AHCYL2: variants seen among roughly 807,000 people sequenced by gnomAD.
AHCYL2 encodes the protein S-adenosylhomocysteine hydrolase-like protein 2.
A neutral mutation model predicts 81.4 loss-of-function variants in AHCYL2; 28 were observed. The observed-to-expected ratio is 0.34, with a 90% confidence interval of 0.25 to 0.47. AHCYL2 has a LOEUF of 0.47. Among genes scored for constraint, AHCYL2 ranks in the 20% least tolerant of loss-of-function variants. The pLI is 1.00. For missense variants in AHCYL2, 551 were observed against 785.1 expected (o/e 0.70, Z 3.56); for synonymous variants, 272 against 290.2 (o/e 0.94, Z 0.64).
At chr7:129,392,968 A>C (rs1254351847) in intron 4 of AHCYL2, among the ~76,000 whole-genome samples, 2 of 152,238 alleles carry the variant, frequency 1.3e-5, no homozygotes, top group African/African-American at 2.4e-5. Flanking sequence ...CAGGCTATAC[A>C]TCTATGGTGG....
chr7:129,375,937 G>A (rs1441007629), intron 1 of AHCYL2: 1 of 1,535,994 alleles, frequency 6.5e-7, no homozygotes, highest in Non-Finnish European at 8.7e-7. Context: ...GTGAGGCTAA[G>A]CTCTTATTTA....
At chr7:129,245,518 T>TC (rs1286802891) in intron 1 of AHCYL2, among the ~76,000 whole-genome samples, 2 of 152,052 alleles carry the variant, frequency 1.3e-5, no homozygotes, top group Admixed American at 1.3e-4. Context: ...CATTCCTTCC[T>TC]CCCCCAGCCC....
chr7:129,310,123 G>A (rs188485602), intron 1 of AHCYL2, among the ~76,000 whole-genome samples: 1 of 151,702 alleles, frequency 6.6e-6, no homozygotes, highest in Admixed American at 6.6e-5. Flanking sequence ...CCACCTCCTT[G>A]GTGACTTAAT....
At chr7:129,242,642 A>G (rs1009928624) in intron 1 of AHCYL2, among the ~76,000 whole-genome samples, 1 of 151,586 alleles carries the variant, frequency 6.6e-6, no homozygotes, top group Non-Finnish European at 1.5e-5. Flanking sequence ...ATGTGAACCC[A>G]GGAGGCGGAG....
chr7:129,351,926 T>C (rs1793580431), intron 1 of AHCYL2, among the ~76,000 whole-genome samples: 1 of 152,258 alleles, frequency 6.6e-6, no homozygotes, highest in African/African-American at 2.4e-5. Flanking sequence ...CCATTAGTTA[T>C]TGTATTTGTC....
At position 129,225,052 on chromosome 7, in the gene AHCYL2, G is replaced by A; in HGVS notation, c.-25G>A. On this transcript the variant is annotated 5_prime_UTR_variant, in exon 1 of 17. Coordinates refer to ENST00000325006, the MANE Select transcript of AHCYL2 (RefSeq NM_015328.4). ...ACCAAGAGCAGGAGCTGGAGTCTGA[G>A]CCGGTGGTTGCAGCGGAGGCGGTGA... 1 of 1,572,590 alleles carries A rather than the reference G, an allele frequency of 6.4e-7. No individual in the cohort carries two copies. The highest frequency in any genetic ancestry group is 8.6e-7 in the Non-Finnish European group (1 of 1,160,984).
At chr7:129,323,373 G>A (rs1392840486) in intron 1 of AHCYL2, among the ~76,000 whole-genome samples, 4 of 152,102 alleles carry the variant, frequency 2.6e-5, no homozygotes, top group African/African-American at 9.7e-5. Flanking sequence ...GGATTTTCCA[G>A]ACATGTTTCT....
intron 1 of AHCYL2, among the ~76,000 whole-genome samples, chr7:129,252,637 C>T (rs1795282421): frequency 6.6e-6 from 1 of 152,150 alleles, no homozygotes; most frequent in Non-Finnish European, 1.5e-5. Context: ...GGTGGTGGCA[C>T]ATGCCTGTAA....
intron 1 of AHCYL2, among the ~76,000 whole-genome samples, chr7:129,262,465 A>G (rs1795676232): frequency 6.6e-6 from 1 of 152,232 alleles, no homozygotes; most frequent in Non-Finnish European, 1.5e-5. Flanking sequence ...AAGGTGAAGC[A>G]GAGGACATGA....
At chr7:129,231,202 C>T (rs535002001) in intron 1 of AHCYL2, among the ~76,000 whole-genome samples, 8 of 151,856 alleles carry the variant, frequency 5.3e-5, no homozygotes, top group East Asian at 3.9e-4. Flanking sequence ...ATCATGCCAC[C>T]GCGCTTCAGC....
intron 1 of AHCYL2, among the ~76,000 whole-genome samples, chr7:129,301,424 G>C (rs1797252124): frequency 6.6e-6 from 1 of 152,150 alleles, no homozygotes; most frequent in Non-Finnish European, 1.5e-5. Context: ...ATTTACTCAA[G>C]AAATCTTTGC....
At chr7:129,279,669 A>G (rs952165027) in intron 1 of AHCYL2, among the ~76,000 whole-genome samples, 1 of 152,108 alleles carries the variant, frequency 6.6e-6, no homozygotes, top group African/African-American at 2.4e-5. Context: ...CTGGTTGGCT[A>G]TTTTTGTGGT....
In AHCYL2 at chr7:129,238,050, A is replaced by G. The variant is rs143252746; in HGVS notation, c.363+12611A>G. Among the ~76,000 whole-genome samples, 320 of 152,240 alleles carry G rather than the reference A, an allele frequency of 2.1e-3. 8 individuals carry two copies. The highest frequency in any genetic ancestry group is 1.1e-3 in the Non-Finnish European group (72 of 68,010). ...TTATGATTTTAAGGCCTTGTCAGGA[A>G]TTGAGTATGTGTGATGAGGCTCTAG... On this transcript the variant is annotated intron_variant, in intron 1 of 16. Transcript: ENST00000325006.
rs566346257 is a variant in AHCYL2, at chr7:129,229,703, GAGTT to G, written c.363+4267_363+4270del. On this transcript the variant is annotated intron_variant, in intron 1 of 16. Coordinates refer to ENST00000325006, the MANE Select transcript of AHCYL2 (RefSeq NM_015328.4). ...CCCAAGACCAAAGTAAGGCAGGTCTGAGTTAGAGCTTTAGGAAGAGGATGGGAGA... is the reference window on the plus strand; with the variant it reads ...CCCAAGACCAAAGTAAGGCAGGTCTGAGAGCTTTAGGAAGAGGATGGGAGA... 7.9e-5 allele frequency among the ~76,000 whole-genome samples: 12 copies of G among 152,338 alleles called. No individual in the cohort carries two copies. In the South Asian group the frequency reaches 2.3e-3, roughly 29 times the overall value.
chr7:129,264,485 GA>G (rs1795749806), intron 1 of AHCYL2, among the ~76,000 whole-genome samples: 1 of 152,028 alleles, frequency 6.6e-6, no homozygotes, highest in African/African-American at 2.4e-5. Flanking sequence ...GGATAAGAAG[GA>G]AAGGAAGAAA....
chr7:129,383,471 C>T (rs767440239), intron 2 of AHCYL2, among the ~76,000 whole-genome samples: 2 of 152,100 alleles, frequency 1.3e-5, no homozygotes, highest in African/African-American at 2.4e-5. Flanking sequence ...ATAGACATCT[C>T]AAACCTCCCA....
chr7:129,410,345 A>G, intron 11 of AHCYL2: 3 of 1,614,254 alleles, frequency 1.9e-6, no homozygotes, highest in Non-Finnish European at 2.5e-6. Flanking sequence ...CTTTAGCTCT[A>G]GGCGTGTTGG....
At chr7:129,300,337 C>T (rs1268100400) in intron 1 of AHCYL2, among the ~76,000 whole-genome samples, 2 of 152,092 alleles carry the variant, frequency 1.3e-5, no homozygotes, top group Non-Finnish European at 2.9e-5. Context: ...TACTCTCTAT[C>T]TCCATGAGTT....
chr7:129,392,226 C>T lies in AHCYL2; in HGVS notation c.720+2492C>T, dbSNP rs931283109. 2.6e-5 allele frequency among the ~76,000 whole-genome samples: 4 copies of T among 152,074 alleles called. No individual in the cohort carries two copies. In the South Asian group the frequency reaches 6.2e-4, roughly 24 times the overall value. ...AAGAAATTATGCTTTGTTTGCCAAC[C>T]TAATACTCTTTCACTCTTGTCTTAG... is the stretch of plus-strand genomic sequence containing the variant. On this transcript the variant is annotated intron_variant, in intron 4 of 16. Coordinates refer to ENST00000325006, the MANE Select transcript of AHCYL2 (RefSeq NM_015328.4).
Sources: allele counts gnomAD v4.1 joint callset (sites outside exome capture counted in the v4.1 genomes callset), GRCh38; gene constraint gnomAD v4.1.1; transcripts MANE v1.5; gene names NCBI Gene and HGNC (gene_info 2026-07-23, HGNC 2026-07-21).